The following CPED1 variants were observed in gnomAD, a reference collection of about 807,000 sequenced individuals.
CPED1 encodes the protein cadherin like and PC-esterase domain containing 1.
In CPED1, 114 loss-of-function variants were observed where a neutral mutation model predicts 128.2. The ratio of observed to expected loss-of-function variants is 0.89; its 90% CI spans 0.76 to 1.04. The LOEUF is 1.04. Ranked by LOEUF, CPED1 falls within the 50% of genes least tolerant of loss-of-function variation. The probability of loss-of-function intolerance (pLI) is 0.00; values close to 1 mark genes in which losing one functional copy is unlikely to be tolerated. For synonymous variants in CPED1, 462 were observed against 426.7 expected, an observed-to-expected ratio of 1.08 and a Z score of -1.02; for missense variants, 1,211 against 1,207.1, an observed-to-expected ratio of 1.00 and a Z score of -0.05.
chr7:121,035,701 G>T (rs1219269726), intron 3 of CPED1, among the ~76,000 whole-genome samples: 1 of 151,862 alleles, frequency 6.6e-6, no homozygotes, highest in Non-Finnish European at 1.5e-5. Context: ...AGGTATAGTG[G>T]TGTGCAGATG....
chr7:121,039,927 A>G (rs893868965), intron 3 of CPED1, among the ~76,000 whole-genome samples: 23 of 152,160 alleles, frequency 1.5e-4, no homozygotes, highest in Admixed American at 5.2e-4. Flanking sequence ...AGTAGCTTAG[A>G]AAAATTTAGG....
chr7:121,192,802 G>A (rs1584584628), intron 16 of CPED1, among the ~76,000 whole-genome samples: 2 of 152,092 alleles, frequency 1.3e-5, no homozygotes, highest in African/African-American at 2.4e-5. Context: ...ATTCACACCC[G>A]ATGACAAAGA....
chr7:121,244,673 G>C (rs981959962), intron 18 of CPED1, among the ~76,000 whole-genome samples: 1 of 152,208 alleles, frequency 6.6e-6, no homozygotes, highest in African/African-American at 2.4e-5. Flanking sequence ...AGAGCAGCTG[G>C]CCTTGTCAAC....
At chr7:121,246,861 T>C (rs6466774) in intron 18 of CPED1, among the ~76,000 whole-genome samples, 63,830 of 152,122 alleles carry the variant, frequency 0.42, 13,846 homozygotes, top group Middle Eastern at 0.53. Flanking sequence ...CCAGTTAGCT[T>C]GCTGCACAGC....
chr7:121,090,013 A>T (rs950813280), intron 5 of CPED1, among the ~76,000 whole-genome samples: 2 of 152,202 alleles, frequency 1.3e-5, no homozygotes, highest in Non-Finnish European at 2.9e-5. Context: ...AGTAGTCTAG[A>T]TACAGCTTTT....
intron 3 of CPED1, among the ~76,000 whole-genome samples, chr7:121,040,750 T>C (rs747780693): frequency 6.6e-6 from 1 of 151,978 alleles, no homozygotes; most frequent in Admixed American, 6.6e-5. Flanking sequence ...TACTAAAAAA[T>C]TAAACACCTT....
At chr7:121,176,241 C>A (rs1796777034) in intron 16 of CPED1, among the ~76,000 whole-genome samples, 2 of 141,978 alleles carry the variant, frequency 1.4e-5, no homozygotes, top group South Asian at 4.4e-4. Flanking sequence ...ACTTGAATTG[C>A]ATAGTTAGTT....
intron 22 of CPED1, among the ~76,000 whole-genome samples, chr7:121,286,916 A>C (rs1371323015): frequency 6.6e-6 from 1 of 152,228 alleles, no homozygotes; most frequent in Non-Finnish European, 1.5e-5. Context: ...CAGGAAACTT[A>C]TGAGTGTGGC....
At chr7:121,159,590 G>A (rs1043554211) in intron 16 of CPED1, among the ~76,000 whole-genome samples, 21 of 152,096 alleles carry the variant, frequency 1.4e-4, no homozygotes, top group Non-Finnish European at 2.9e-4. Context: ...TACCAAAAGA[G>A]GCAATCCCAA....
chr7:121,187,768 C>T (rs1288060462), intron 16 of CPED1, among the ~76,000 whole-genome samples: 1 of 152,038 alleles, frequency 6.6e-6, no homozygotes, highest in Non-Finnish European at 1.5e-5. Flanking sequence ...CTCTACTAAC[C>T]AGCAGGGACA....
intron 16 of CPED1, among the ~76,000 whole-genome samples, chr7:121,214,978 A>G (rs1452340395): frequency 6.6e-6 from 1 of 152,058 alleles, no homozygotes; most frequent in Non-Finnish European, 1.5e-5. Context: ...TTTTTGCAGC[A>G]GACCGTATTC....
intron 16 of CPED1, among the ~76,000 whole-genome samples, chr7:121,220,405 A>G (rs976707178): frequency 2.6e-5 from 4 of 152,002 alleles, no homozygotes; most frequent in African/African-American, 7.2e-5. Flanking sequence ...TGGATAAACT[A>G]TAAGTCTGCG....
At position 121,220,030 on chromosome 7, in the gene CPED1, A is replaced by T. The variant is rs141599230; in HGVS notation, c.2056-16684A>T. On this transcript the variant is annotated intron_variant, in intron 16 of 22. Transcript: ENST00000310396. ...GTAAGTGAAAGTCAAAATGTTTCCTACTCCTCAGTAAAGATGTTTAATTTT... is the reference window on the plus strand; with the variant it reads ...GTAAGTGAAAGTCAAAATGTTTCCTTCTCCTCAGTAAAGATGTTTAATTTT... 9.5e-3 allele frequency among the ~76,000 whole-genome samples: 1,441 copies of T among 152,050 alleles called. 20 individuals carry two copies. Among genetic ancestry groups the T allele is most frequent in the African/African-American group, 0.032 (1,343 of 41,478 alleles).
intron 14 of CPED1, among the ~76,000 whole-genome samples, chr7:121,136,852 A>G (rs1298666001): frequency 6.6e-6 from 1 of 152,038 alleles, no homozygotes; most frequent in Non-Finnish European, 1.5e-5. Context: ...ACAGTGTGCT[A>G]TGGTTGCATC....
chr7:121,115,707 C>A (rs1366444150), intron 7 of CPED1, among the ~76,000 whole-genome samples: 2 of 152,096 alleles, frequency 1.3e-5, no homozygotes, highest in Non-Finnish European at 2.9e-5. Context: ...ATGCCATCTT[C>A]TAGTCAAGGT....
chr7:121,114,273 A>C (rs762997894), intron 7 of CPED1, among the ~76,000 whole-genome samples: 1 of 152,164 alleles, frequency 6.6e-6, no homozygotes, highest in Non-Finnish European at 1.5e-5. Flanking sequence ...CCAGTGACTA[A>C]AATCTCTCTT....
At chr7:121,278,881 A>G (rs75262409) in intron 22 of CPED1, among the ~76,000 whole-genome samples, 1 of 152,292 alleles carries the variant, frequency 6.6e-6, no homozygotes, top group Non-Finnish European at 1.5e-5. Context: ...TAAGGCAGCT[A>G]TACTACCCAG....
chr7:121,072,283 C>T (rs117753309), intron 5 of CPED1, among the ~76,000 whole-genome samples: 1,759 of 151,900 alleles, frequency 0.012, 14 homozygotes, highest in Non-Finnish European at 0.016. Flanking sequence ...ATAGATCACA[C>T]TAATTCTGCA....
intron 5 of CPED1, among the ~76,000 whole-genome samples, chr7:121,073,491 G>A (rs1391943153): frequency 1.3e-5 from 2 of 152,102 alleles, no homozygotes; most frequent in African/African-American, 4.8e-5. Context: ...CTCTAAAAAT[G>A]TTTCTACATA....
Sources: gnomAD v4.1 joint callset for allele counts (sites outside exome capture counted in the v4.1 genomes callset) on GRCh38, gnomAD v4.1.1 for gene constraint, MANE v1.5 for transcripts, NCBI Gene and HGNC (gene_info 2026-07-23, HGNC 2026-07-21) for gene names.